Variants in EDEM3 observed in about 807,000 individuals in gnomAD.
The protein encoded by EDEM3 is ER degradation-enhancing alpha-mannosidase-like protein 3.
A neutral mutation model predicts 110.2 loss-of-function variants in EDEM3; 60 were observed. That is an observed-to-expected ratio of 0.54 (90% CI 0.44 to 0.67). EDEM3 has a LOEUF of 0.67. EDEM3 is among the 30% of genes least tolerant of loss of function. EDEM3 has a pLI of 0.00. For missense variants in EDEM3, 996 were observed against 1,121.0 expected, an observed-to-expected ratio of 0.89 and a Z score of 1.59; for synonymous variants, 352 against 382.9, an observed-to-expected ratio of 0.92 and a Z score of 0.94.
In EDEM3 at chr1:184,711,762, T is replaced by G; in HGVS notation, c.1652A>C (p.Asn551Thr). 6.2e-7 allele frequency: 1 copy of G among 1,612,858 alleles called. No individual in the cohort carries two copies. Residue 551 changes from asparagine (N) to threonine (T), a missense_variant, in exon 15 of 20, where the codon AAT becomes ACT. Coordinates refer to ENST00000318130, the MANE Select transcript of EDEM3 (RefSeq NM_025191.4). ...YAQSIREPLK[N>T]VVDKSCPRGI... Reference sequence around the variant, plus strand: ...TCTAGGACAGCTCTTATCCACCACATTTTTCAAGGGCTCACGAATACTTTG... The same window carrying G: ...TCTAGGACAGCTCTTATCCACCACAGTTTTCAAGGGCTCACGAATACTTTG...
chr1:184,700,313 T>C (rs1258182591), intron 19 of EDEM3, among the ~76,000 whole-genome samples: 2 of 151,960 alleles, frequency 1.3e-5, no homozygotes, highest in Non-Finnish European at 2.9e-5. Context: ...TAATCAGCAT[T>C]GTGTGACTTC....
At position 184,693,707 on chromosome 1, in the gene EDEM3, A is replaced by C. The variant is rs150378373; in HGVS notation, c.*356T>G. ...TAATTAGAAGGCTATCCAAACTCCT[A>C]TTCCCCACTCCACTACTAAATGAAT... On this transcript the variant is annotated 3_prime_UTR_variant, in exon 20 of 20. Transcript: ENST00000318130. 179 of 178,062 alleles carry C rather than the reference A, an allele frequency of 1.0e-3. No homozygotes were observed. Among genetic ancestry groups the C allele is most frequent in the African/African-American group, 4.1e-3 (175 of 42,406 alleles). The allele number at this position is 178,062 out of a possible 1,614,324, so 11.0% of individuals were successfully genotyped here.
At position 184,691,047 on chromosome 1, in the gene EDEM3, A is replaced by C. The variant is rs1186856516; in HGVS notation, c.*3016T>G. 6.6e-6 allele frequency: 1 copy of C among 152,566 alleles called. No individual in the cohort carries two copies. The highest frequency in any genetic ancestry group is 1.5e-5 in the Non-Finnish European group (1 of 67,994). The allele number at this position is 152,566 out of a possible 1,614,324, so 9.5% of individuals were successfully genotyped here. On this transcript the variant is annotated 3_prime_UTR_variant, in exon 20 of 20. Transcript: ENST00000318130. ...GAGAGTAATTACATTAGTGAAGTTA[A>C]AATCAGAAAGTGTACAATTTTTCTT...
chr1:184,695,408 C>T (rs1649279618), intron 19 of EDEM3, among the ~76,000 whole-genome samples: 1 of 151,972 alleles, frequency 6.6e-6, no homozygotes, highest in South Asian at 2.1e-4. Context: ...TCAACTGTGA[C>T]ACGTTATGAA....
Position 184,712,501 on chromosome 1 carries a change from T to G in EDEM3, c.1468A>C (p.Thr490Pro). The change falls in exon 14 of 20, where the codon ACA becomes CCA. Residue 490 changes from threonine (T) to proline (P), a missense_variant. Around this residue, in one of 5 missense-constraint regions of EDEM3, gnomAD observed 138 missense variants for 124.3 expected, o/e 1.11. Transcript: ENST00000318130. ...IIFDIEDYIF[T>P]TEAHLLPLWL... ...AGAGGTAACAGATGAGCTTCTGTTG[T>G]AAAGATGTAATCTTCTATGTCAAAA... is the stretch of plus-strand genomic sequence containing the variant. 2.5e-6 allele frequency: 4 copies of G among 1,606,616 alleles called. No individual in the cohort carries two copies. The highest frequency in any genetic ancestry group is 3.4e-6 in the Non-Finnish European group (4 of 1,176,884).
rs572444078 is a variant in EDEM3, at chr1:184,715,128, G to A, written c.1370+1760C>T. On this transcript the variant is annotated intron_variant, in intron 13 of 19. Coordinates refer to ENST00000318130, the MANE Select transcript of EDEM3 (RefSeq NM_025191.4). ...GTGACCCTTTGCCTGAATACAGACA[G>A]TTATGGTGCTGTGTGCCAGACACAT... 3.9e-5 allele frequency among the ~76,000 whole-genome samples: 6 copies of A among 152,222 alleles called. No individual in the cohort carries two copies. In the East Asian group the frequency reaches 9.7e-4, roughly 24 times the overall value.
chr1:184,751,067 C>T (rs894694413), intron 1 of EDEM3, among the ~76,000 whole-genome samples: 7 of 151,856 alleles, frequency 4.6e-5, no homozygotes, highest in African/African-American at 1.5e-4. Flanking sequence ...GTCCTGACAA[C>T]ATATGAATAA....
At chr1:184,710,112 T>G (rs773126488) in intron 16 of EDEM3, among the ~76,000 whole-genome samples, 3 of 152,100 alleles carry the variant, frequency 2.0e-5, no homozygotes, top group Non-Finnish European at 2.9e-5. Context: ...GGAAAGCCAA[T>G]GGACTGAGAA....
At chr1:184,749,819 T>C (rs902614697) in intron 1 of EDEM3, among the ~76,000 whole-genome samples, 1 of 152,200 alleles carries the variant, frequency 6.6e-6, no homozygotes, top group African/African-American at 2.4e-5. Flanking sequence ...TGATTACTAG[T>C]AATTTATGTA....
intron 18 of EDEM3, among the ~76,000 whole-genome samples, chr1:184,706,416 C>T (rs1377821135): frequency 6.6e-6 from 1 of 152,070 alleles, no homozygotes; most frequent in Non-Finnish European, 1.5e-5. Flanking sequence ...CACACCTAAA[C>T]CCAAGTATTT....
chr1:184,753,006 G>A (rs1652849841), intron 1 of EDEM3, among the ~76,000 whole-genome samples: 1 of 152,178 alleles, frequency 6.6e-6, no homozygotes, highest in Admixed American at 6.5e-5. Flanking sequence ...ATATTTATTA[G>A]AGTTTACCGG....
intron 19 of EDEM3, among the ~76,000 whole-genome samples, chr1:184,695,452 T>G (rs1649282072): frequency 6.6e-6 from 1 of 152,082 alleles, no homozygotes; most frequent in South Asian, 2.1e-4. Context: ...TCAAGTCCCT[T>G]ATGTAAAATG....
At chr1:184,717,452 T>C in intron 12 of EDEM3, 88 bp downstream of exon 12, 1 of 1,073,844 alleles carries the variant, frequency 9.3e-7, no homozygotes, top group Non-Finnish European at 1.4e-6. Flanking sequence ...AAGGGGACTC[T>C]GAAAACCCAA....
intron 9 of EDEM3, chr1:184,720,653 C>G (rs1650851478): frequency 6.6e-6 from 1 of 152,332 alleles, no homozygotes. Context: ...CATACTGTCT[C>G]ATACATACAA....
At chr1:184,703,870 G>A (rs754770112) in intron 18 of EDEM3, among the ~76,000 whole-genome samples, 2 of 152,206 alleles carry the variant, frequency 1.3e-5, no homozygotes, top group African/African-American at 2.4e-5. Context: ...TAGTCCAGTT[G>A]AATGACACAG....
intron 2 of EDEM3, among the ~76,000 whole-genome samples, chr1:184,747,085 T>C (rs1399323690): frequency 2.7e-5 from 4 of 150,820 alleles, no homozygotes; most frequent in Non-Finnish European, 5.9e-5. Context: ...TTCAAAAAAA[T>C]TTGCTAAGCA....
chr1:184,717,060 C>A, intron 12 of EDEM3, 48 bp from the exon 13 acceptor site: 1 of 1,402,522 alleles, frequency 7.1e-7, no homozygotes, highest in Non-Finnish European at 9.8e-7. Flanking sequence ...TTATATATTA[C>A]CACATATCCA....
chr1:184,701,604 C>A, intron 19 of EDEM3: 1 of 1,146,454 alleles, frequency 8.7e-7, no homozygotes, highest in South Asian at 1.4e-5. Flanking sequence ...TAAAGAGTTA[C>A]AAGAAATAAT....
In EDEM3 at chr1:184,733,556, G is replaced by T. The variant is rs565179884; in HGVS notation, c.459-566C>A. Among the ~76,000 whole-genome samples the T allele has an allele frequency of 5.9e-5, 9 of 152,268 alleles. No individual in the cohort carries two copies. In the South Asian group the frequency reaches 1.2e-3, roughly 21 times the overall value. On this transcript the variant is annotated intron_variant, in intron 5 of 19. Coordinates refer to ENST00000318130, the MANE Select transcript of EDEM3 (RefSeq NM_025191.4). ...TCTTTTCAAAATATCCTGGCCAGGC[G>T]CAGTGGCTCACGCCTATAATCCCAG... is the stretch of plus-strand genomic sequence containing the variant.
Sources: allele counts gnomAD v4.1 joint callset (sites outside exome capture counted in the v4.1 genomes callset), GRCh38; gene constraint gnomAD v4.1.1; regional missense constraint gnomAD v4.1.1; transcripts MANE v1.5; gene names NCBI Gene and HGNC (gene_info 2026-07-23, HGNC 2026-07-21).